The following COL5A1 variants were observed in gnomAD, a reference collection of about 807,000 sequenced individuals.
COL5A1 encodes collagen type V alpha 1 chain.
A neutral mutation model predicts 263.7 loss-of-function variants in COL5A1; 16 were observed. The ratio of observed to expected loss-of-function variants is 0.06; its 90% CI spans 0.04 to 0.09. COL5A1 has a LOEUF of 0.09. COL5A1 is among the 10% of genes least tolerant of loss of function. The pLI, the probability that COL5A1 is intolerant of heterozygous loss-of-function variation, is 1.00. For missense variants in COL5A1, 2,036 were observed against 2,540.5 expected (o/e 0.80, Z 4.27); for synonymous variants, 1,012 against 1,004.5 (o/e 1.01, Z -0.14).
At chr9:134,733,415 C>T (rs1410672766) in intron 9 of COL5A1, among the ~76,000 whole-genome samples, 1 of 152,202 alleles carries the variant, frequency 6.6e-6, no homozygotes, top group Admixed American at 6.5e-5. Context: ...TTGTGGGGCT[C>T]TATGCCCTTG....
At chr9:134,823,564 G>A in intron 61 of COL5A1, 95 bp downstream of exon 61, 1 of 1,319,646 alleles carries the variant, frequency 7.6e-7, no homozygotes, top group Non-Finnish European at 1.1e-6. Flanking sequence ...CCCCTCCTGA[G>A]ACTCATGAAG....
chr9:134,642,077 TAA>T lies in COL5A1; in HGVS notation c.-109_-108del. 1 of 978,014 alleles carries T rather than the reference TAA, an allele frequency of 1.0e-6. No individual in the cohort carries two copies. The highest frequency in any genetic ancestry group is 5.1e-5 in the South Asian group (1 of 19,458). The allele number at this position is 978,014 out of a possible 1,614,324, so 60.6% of individuals were successfully genotyped here. A position where few individuals can be genotyped will look rare whatever the true frequency, so the allele number is the denominator to read the frequency against. On this transcript the variant is annotated 5_prime_UTR_variant, in exon 1 of 66. An upstream open reading frame in the 5' UTR loses its in-frame stop. Transcript: ENST00000371817. The surrounding 1 kb of genome is among the most constrained non-coding windows in gnomAD (Gnocchi z 4.5). ...GGGTGCCGAGGTCCCCATGACCTCC[TAA>T]AGTGGTGCGGTCCCTGCTGAGTGCG... is the stretch of plus-strand genomic sequence containing the variant.
At chr9:134,787,755 G>A (rs1275677638) in intron 31 of COL5A1, among the ~76,000 whole-genome samples, 1 of 152,214 alleles carries the variant, frequency 6.6e-6, no homozygotes, top group Non-Finnish European at 1.5e-5. Flanking sequence ...CGTGCACGAG[G>A]CACAGAAAAT....
At chr9:134,730,632 G>T (rs1834846734) in intron 7 of COL5A1, among the ~76,000 whole-genome samples, 157 bp downstream of exon 7, 1 of 152,268 alleles carries the variant, frequency 6.6e-6, no homozygotes, top group Admixed American at 6.5e-5. Context: ...GCCCTTTGCA[G>T]CTGGGTGGCG....
rs1183291876 is a variant in COL5A1, at chr9:134,842,571, G to A, written c.*268G>A. On this transcript the variant is annotated 3_prime_UTR_variant, in exon 66 of 66. Transcript: ENST00000371817. This position sits in a 1 kb window ranked among gnomAD's most constrained non-coding sequence, Gnocchi z 5.8. ...CGCCCCACGCTCTGTCCACACCCAC[G>A]CGCCCCGGGAGCGGGGCCATGCCTC... 6 of 561,612 alleles carry A rather than the reference G, an allele frequency of 1.1e-5. No homozygotes were observed. The highest frequency in any genetic ancestry group is 3.1e-5 in the Admixed American group (1 of 31,750). The allele number at this position is 561,612 out of a possible 1,614,324, so 34.8% of individuals were successfully genotyped here.
intron 1 of COL5A1, among the ~76,000 whole-genome samples, chr9:134,673,454 C>A (rs1832598595): frequency 7.7e-6 from 1 of 130,412 alleles, no homozygotes. Flanking sequence ...GGCGAGACTC[C>A]ATCTCAAAAA....
rs764763703 is a variant in COL5A1, at chr9:134,825,878, G to A, written c.5041G>A (p.Val1681Ile). 1.9e-5 allele frequency: 30 copies of A among 1,612,786 alleles called. No individual in the cohort carries two copies. Among genetic ancestry groups the A allele is most frequent in the Admixed American group, 5.0e-5 (3 of 59,976 alleles). ...CTTCACAGCCGGGGGGTCGACATGC[G>A]TCTTCCCTGACAAGAAGTCCGAAGG... The part of the protein sequence containing the change: ...CNFTAGGSTC[V>I]FPDKKSEGAR... Residue 1681 changes from valine to isoleucine, a missense_variant, in exon 63 of 66, where the codon GTC becomes ATC. By Grantham distance (29) the Val-to-Ile change is conservative. Around this residue, in one of 3 missense-constraint regions of COL5A1, gnomAD observed 358 missense variants for 384.6 expected, o/e 0.93. Coordinates refer to ENST00000371817, the MANE Select transcript of COL5A1 (RefSeq NM_000093.5).
chr9:134,712,390 C>T (rs1834092636), intron 4 of COL5A1, among the ~76,000 whole-genome samples: 1 of 113,164 alleles, frequency 8.8e-6, no homozygotes, highest in Non-Finnish European at 1.8e-5. Flanking sequence ...TCCTGTCTCT[C>T]GTTATCCCTG....
At position 134,642,266 on chromosome 9, in the gene COL5A1, CTG is replaced by C; in HGVS notation, c.80_81del (p.Leu27ProfsTer26). On this transcript the variant is annotated frameshift_variant, in exon 1 of 66. Coordinates refer to ENST00000371817, the MANE Select transcript of COL5A1 (RefSeq NM_000093.5). LOFTEE classifies it high-confidence loss of function. The surrounding 1 kb of genome is among the most constrained non-coding windows in gnomAD (Gnocchi z 4.5). Reference protein sequence around the residue: ...APLLPPLLLLLLWAPPPSRAA... With the variant: ...APLLPPLLLLXLWAPPPSRAA... ...GCTGCTGCCCCCGCTGCTGCTGCTG[CTG>C]CTGTGGGCGCCGCCTCCGAGCCGCG... 8.2e-7 allele frequency: 1 copy of C among 1,216,534 alleles called. No individual in the cohort carries two copies. Among genetic ancestry groups the C allele is most frequent in the South Asian group, 3.1e-5 (1 of 32,288 alleles). 75.4% of individuals were successfully genotyped at this position (1,216,534 alleles called of 1,614,324 possible). A position where few individuals can be genotyped will look rare whatever the true frequency, so the allele number is the denominator to read the frequency against.
chr9:134,730,219 C>G lies in COL5A1; in HGVS notation c.925-17C>G. 1 of 1,612,638 alleles carries G rather than the reference C, an allele frequency of 6.2e-7. No individual in the cohort carries two copies. Among genetic ancestry groups the G allele is most frequent in the Non-Finnish European group, 8.5e-7 (1 of 1,179,964 alleles). On this transcript the variant is annotated splice_polypyrimidine_tract_variant and intron_variant, in intron 6 of 65. Coordinates refer to ENST00000371817, the MANE Select transcript of COL5A1 (RefSeq NM_000093.5). Reference sequence around the variant, plus strand: ...GCCTCCGCCCTGACTCCAGCTGTCTCTGTCCTTGGCTCCCAGGAGCTGACC... The same window carrying G: ...GCCTCCGCCCTGACTCCAGCTGTCTGTGTCCTTGGCTCCCAGGAGCTGACC...
chr9:134,670,486 C>T (rs993352271), intron 1 of COL5A1, among the ~76,000 whole-genome samples: 1 of 152,196 alleles, frequency 6.6e-6, no homozygotes, highest in Non-Finnish European at 1.5e-5. Context: ...GTTACTTCCC[C>T]CTCTCTGCTC....
At chr9:134,760,215 G>GCC (rs1564439685) in intron 18 of COL5A1, among the ~76,000 whole-genome samples, 16 of 66,268 alleles carry the variant, frequency 2.4e-4, no homozygotes, top group East Asian at 9.8e-4. Flanking sequence ...ATACACACAT[G>GCC]CACACACCAC....
In COL5A1 at chr9:134,761,972, A is replaced by T; in HGVS notation, c.1983A>T (p.Gly661=). ...CACCAGGACCTCCGGGAGACGATGG[A>T]GAAAGGGTAGGTATTCTGCCGTCCC... ...SGPPGPPGDD[G]ERGDDGEVGP... The change falls in exon 19 of 66, where the codon GGA becomes GGT. Residue 661 remains glycine, a synonymous_variant. Transcript: ENST00000371817. The T allele has an allele frequency of 6.2e-7, 1 of 1,613,374 alleles. No individual in the cohort carries two copies. The highest frequency in any genetic ancestry group is 1.1e-5 in the South Asian group (1 of 91,068).
chr9:134,810,123 T>C, intron 43 of COL5A1, 132 bp from the exon 44 acceptor site: 1 of 932,640 alleles, frequency 1.1e-6, no homozygotes, highest in South Asian at 1.3e-5. Context: ...GAAACATTTA[T>C]TCGTAGGAAA....
At position 134,731,457 on chromosome 9, in the gene COL5A1, G is replaced by A. The variant is rs76548907; in HGVS notation, c.1165-39G>A. 36,126 of 1,610,762 alleles carry A rather than the reference G, an allele frequency of 0.022. 653 individuals carry two copies. Among genetic ancestry groups the A allele is most frequent in the African/African-American group, 0.088 (6,603 of 75,008 alleles). ...CTGATGGAGAGGCAGTGCCTGGTGC[G>A]TTTGCGAGGCAACCCTGCGCCTTCC... On this transcript the variant is annotated intron_variant, in intron 7 of 65. Transcript: ENST00000371817.
At chr9:134,760,738 A>ACACATGCACACACACCC (rs1836373817) in intron 18 of COL5A1, among the ~76,000 whole-genome samples, 2 of 130,668 alleles carry the variant, frequency 1.5e-5, no homozygotes, top group South Asian at 2.7e-4. Flanking sequence ...CACACACACC[A>ACACATGCACACACACCC]CACATGCACA....
intron 4 of COL5A1, among the ~76,000 whole-genome samples, chr9:134,722,862 C>A (rs1834512374): frequency 6.6e-6 from 1 of 152,006 alleles, no homozygotes; most frequent in African/African-American, 2.4e-5. Flanking sequence ...GTGGGCAGCT[C>A]TGCTGGCCTC....
Position 134,703,878 on chromosome 9 carries a change from A to G in COL5A1, c.654+2545A>G, listed in dbSNP as rs190312672. On this transcript the variant is annotated intron_variant, in intron 4 of 65. Coordinates refer to ENST00000371817, the MANE Select transcript of COL5A1 (RefSeq NM_000093.5). Reference sequence around the variant, plus strand: ...ATGGTCTCGATCTCCTGACCTTGTGATCCGCCCGCCTCGGCCTCCCACAGT... The same window carrying G: ...ATGGTCTCGATCTCCTGACCTTGTGGTCCGCCCGCCTCGGCCTCCCACAGT... Among the ~76,000 whole-genome samples the G allele has an allele frequency of 7.3e-3, 1,102 of 151,732 alleles. 43 individuals carry two copies. Among genetic ancestry groups the G allele is most frequent in the Admixed American group, 0.061 (936 of 15,260 alleles).
At chr9:134,685,554 A>G (rs1833030268) in intron 1 of COL5A1, among the ~76,000 whole-genome samples, 2 of 141,134 alleles carry the variant, frequency 1.4e-5, no homozygotes, top group African/African-American at 5.5e-5. Context: ...TCCAGCATCC[A>G]TCCATCCATC....
Sources: gnomAD v4.1 joint callset for allele counts (sites outside exome capture counted in the v4.1 genomes callset) on GRCh38, gnomAD v4.1.1 for gene constraint, gnomAD v4.1.1 regional missense constraint, Gnocchi (gnomAD v3.1) non-coding constraint, MANE v1.5 for transcripts, NCBI Gene and HGNC (gene_info 2026-07-23, HGNC 2026-07-21) for gene names.